Variants in ADAMTS17 observed in about 807,000 individuals in gnomAD.
ADAMTS17 encodes ADAM metallopeptidase with thrombospondin type 1 motif 17.
A neutral mutation model predicts 141.5 loss-of-function variants in ADAMTS17; 113 were observed. That is an observed-to-expected ratio of 0.80 (90% CI 0.69 to 0.93). ADAMTS17 has a LOEUF of 0.93. Ranked by LOEUF, ADAMTS17 falls within the 40% of genes least tolerant of loss-of-function variation. The pLI, the probability that ADAMTS17 is intolerant of heterozygous loss-of-function variation, is 0.00. For synonymous variants in ADAMTS17, 768 were observed against 630.6 expected (o/e 1.22, Z -3.27); for missense variants, 1,659 against 1,517.9 (o/e 1.09, Z -1.54).
chr15:100,149,522 G>A (rs1041310625), intron 10 of ADAMTS17, among the ~76,000 whole-genome samples: 10 of 152,158 alleles, frequency 6.6e-5, no homozygotes, highest in African/African-American at 9.6e-5. Flanking sequence ...AGTCACCCCT[G>A]GTCACCTGCT....
chr15:100,118,838 C>T (rs1187547569), intron 12 of ADAMTS17, among the ~76,000 whole-genome samples: 1 of 152,136 alleles, frequency 6.6e-6, no homozygotes, highest in Non-Finnish European at 1.5e-5. Context: ...GCAGCAGATG[C>T]AGCATGGCAC....
Position 100,286,015 on chromosome 15 carries a change from AG to A in ADAMTS17, c.617-4615del, listed in dbSNP as rs781493857. Among the ~76,000 whole-genome samples the A allele has an allele frequency of 5.9e-5, 9 of 152,242 alleles. No homozygotes were observed. In the East Asian group the frequency reaches 1.7e-3, roughly 29 times the overall value. On this transcript the variant is annotated intron_variant, in intron 3 of 21. Transcript: ENST00000268070. ...CCAGCACAGCCTTCAATGCCCGAAC[AG>A]GGTGCTTCCCAGGGGCGGCCCATCA... is the stretch of plus-strand genomic sequence containing the variant.
chr15:100,341,726 C>T (rs943954215), intron 1 of ADAMTS17, 95 bp downstream of exon 1: 5 of 1,441,502 alleles, frequency 3.5e-6, no homozygotes, highest in Non-Finnish European at 4.6e-6. Context: ...TCAGCGGTCC[C>T]GCCGCCGCCC....
intron 3 of ADAMTS17, among the ~76,000 whole-genome samples, chr15:100,281,980 T>C (rs1233448599): frequency 6.6e-6 from 1 of 152,172 alleles, no homozygotes; most frequent in Admixed American, 6.5e-5. Flanking sequence ...ATGAAAATCT[T>C]CCCTTTCCTC....
chr15:100,259,828 T>C (rs566461542), intron 6 of ADAMTS17, among the ~76,000 whole-genome samples: 23 of 152,140 alleles, frequency 1.5e-4, no homozygotes, highest in Non-Finnish European at 1.9e-4. Flanking sequence ...TGGCATTGTG[T>C]CTATTCTAGG....
chr15:100,337,860 T>C (rs1305429965), intron 2 of ADAMTS17, among the ~76,000 whole-genome samples: 1 of 152,236 alleles, frequency 6.6e-6, no homozygotes, highest in Non-Finnish European at 1.5e-5. Context: ...TCCGCTATCC[T>C]GTCTACCTAT....
intron 8 of ADAMTS17, among the ~76,000 whole-genome samples, chr15:100,188,383 C>T (rs1342636244): frequency 6.6e-6 from 1 of 150,656 alleles, no homozygotes; most frequent in African/African-American, 2.5e-5. Context: ...GGCCACGAAG[C>T]CCTGTCTCTT....
At chr15:100,160,910 TTTAAA>T (rs563072871) in intron 8 of ADAMTS17, among the ~76,000 whole-genome samples, 57 of 152,352 alleles carry the variant, frequency 3.7e-4, no homozygotes, top group Non-Finnish European at 7.1e-4. Flanking sequence ...CTATTTTTAG[TTTAAA>T]TTAAAGATTA....
intron 3 of ADAMTS17, chr15:100,306,398 A>T: frequency 2.3e-6 from 1 of 443,376 alleles, no homozygotes; most frequent in South Asian, 1.6e-5. Flanking sequence ...GCCATAGAAG[A>T]AGTATGTCTG....
chr15:100,248,714 T>A (rs1304254812), intron 7 of ADAMTS17, among the ~76,000 whole-genome samples: 3 of 152,014 alleles, frequency 2.0e-5, no homozygotes, highest in African/African-American at 7.2e-5. Flanking sequence ...CCCAAGGGGG[T>A]CATCCTTGCT....
Position 100,136,489 on chromosome 15 carries a change from A to G in ADAMTS17, c.1474-3174T>C, listed in dbSNP as rs536346175. 8.4e-4 allele frequency among the ~76,000 whole-genome samples: 128 copies of G among 152,346 alleles called. No homozygotes were observed. In the South Asian group the frequency reaches 0.012, roughly 14 times the overall value. The stretch of plus-strand genomic sequence containing the variant: ...TACACGAATGCTTGTCATCACCTTG[A>G]TGCCTTCTAGATCAACAGCCTGCAT... On this transcript the variant is annotated intron_variant, in intron 10 of 21. Transcript: ENST00000268070.
chr15:100,267,152 C>A (rs1245828800), intron 4 of ADAMTS17, among the ~76,000 whole-genome samples: 3 of 152,210 alleles, frequency 2.0e-5, no homozygotes, highest in South Asian at 4.2e-4. Flanking sequence ...AACACTAACT[C>A]CCACTGCCCC....
At chr15:100,184,081 T>C (rs930516789) in intron 8 of ADAMTS17, among the ~76,000 whole-genome samples, 3 of 152,144 alleles carry the variant, frequency 2.0e-5, no homozygotes, top group Non-Finnish European at 1.5e-5. Context: ...TGCCCACCAG[T>C]GTCCTGGTTG....
At chr15:100,072,214 T>C (rs2034024074) in intron 15 of ADAMTS17, among the ~76,000 whole-genome samples, 1 of 148,166 alleles carries the variant, frequency 6.7e-6, no homozygotes, top group Admixed American at 6.8e-5. Context: ...GTGAAGGACC[T>C]CTTCAAGGAG....
intron 7 of ADAMTS17, among the ~76,000 whole-genome samples, chr15:100,215,826 G>A (rs1008872048): frequency 1.3e-4 from 20 of 151,940 alleles, no homozygotes; most frequent in Admixed American, 7.2e-4. Context: ...GATGGCCAGC[G>A]ACCTCCAAGA....
intron 7 of ADAMTS17, among the ~76,000 whole-genome samples, chr15:100,245,667 T>C (rs911523153): frequency 1.3e-5 from 2 of 152,228 alleles, no homozygotes; most frequent in Non-Finnish European, 2.9e-5. Context: ...AGTGTGGACT[T>C]CCAGCCAAGT....
At position 100,118,073 on chromosome 15, in the gene ADAMTS17, A is replaced by G. The variant is rs531768103; in HGVS notation, c.1722-1060T>C. On this transcript the variant is annotated intron_variant, in intron 12 of 21. Coordinates refer to ENST00000268070, the MANE Select transcript of ADAMTS17 (RefSeq NM_139057.4). ...GAGATGTAACAGCAGAAGAGGGCAGAAGCCTTTGGGCTTTTGTGTCATAAA... is the reference window on the plus strand; with the variant it reads ...GAGATGTAACAGCAGAAGAGGGCAGGAGCCTTTGGGCTTTTGTGTCATAAA... Among the ~76,000 whole-genome samples the G allele has an allele frequency of 9.8e-5, 15 of 152,336 alleles. No individual in the cohort carries two copies. In the South Asian group the frequency reaches 3.1e-3, roughly 32 times the overall value.
chr15:100,274,447 AT>A (rs2044013406), intron 4 of ADAMTS17, among the ~76,000 whole-genome samples: 2 of 151,988 alleles, frequency 1.3e-5, no homozygotes, highest in Admixed American at 1.3e-4. Context: ...AAGCTTTTTG[AT>A]TTAAAGTGTC....
chr15:100,052,846 T>A (rs1332603498), intron 16 of ADAMTS17, among the ~76,000 whole-genome samples: 1 of 152,200 alleles, frequency 6.6e-6, no homozygotes, highest in Admixed American at 6.5e-5. Context: ...CATGGTTTGG[T>A]TGCACATGAA....
Sources: allele counts gnomAD v4.1 joint callset (sites outside exome capture counted in the v4.1 genomes callset), GRCh38; gene constraint gnomAD v4.1.1; transcripts MANE v1.5; gene names NCBI Gene and HGNC (gene_info 2026-07-23, HGNC 2026-07-21).